RAPGEF6: variants seen among roughly 807,000 people sequenced by gnomAD.
RAPGEF6 encodes Rap guanine nucleotide exchange factor 6.
A neutral mutation model predicts 171.4 loss-of-function variants in RAPGEF6; 56 were observed. That is an observed-to-expected ratio of 0.33 (90% confidence interval 0.26 to 0.41). The LOEUF (loss-of-function observed/expected upper bound fraction) is 0.41. Ranked by LOEUF, RAPGEF6 falls within the 10% of genes least tolerant of loss-of-function variation. The probability of loss-of-function intolerance (pLI) is 1.00; values close to 1 mark genes in which losing one functional copy is unlikely to be tolerated. For missense variants in RAPGEF6, 1,674 were observed against 1,921.4 expected (o/e 0.87, Z 2.41); for synonymous variants, 692 against 650.1 (o/e 1.06, Z -0.98).
chr5:131,549,680 T>C (rs1007689402), intron 5 of RAPGEF6, among the ~76,000 whole-genome samples: 1 of 151,648 alleles, frequency 6.6e-6, no homozygotes, highest in Non-Finnish European at 1.5e-5. Flanking sequence ...ACCCTGTCTC[T>C]TAAAAAAAAA....
chr5:131,613,238 G>A (rs987640936), intron 1 of RAPGEF6, among the ~76,000 whole-genome samples: 2 of 152,110 alleles, frequency 1.3e-5, no homozygotes, highest in South Asian at 2.1e-4. Flanking sequence ...GTGAAACCCC[G>A]TCTCTACTAA....
At position 131,464,083 on chromosome 5, in the gene RAPGEF6, T is replaced by C; in HGVS notation, c.2438A>G (p.Asp813Gly). The part of the protein sequence containing the change: ...EGVIKQRRLP[D>G]QFSKLADRIQ... ...TCTATCAGCTAATTTGGAGAACTGA[T>C]CTGGAAGTCTTCTCTGTTTTATGAC... Residue 813 changes from aspartate to glycine, a missense_variant, in exon 18 of 28, where the codon GAT (aspartate) becomes GGT (glycine). Physicochemically the swap from Asp to Gly is moderately conservative, Grantham distance 94. This residue lies in a region of RAPGEF6 where 1,116 missense variants were observed against 1,321.5 expected (regional missense o/e 0.84). Coordinates refer to ENST00000509018, the MANE Select transcript of RAPGEF6 (RefSeq NM_016340.6). 1 of 1,612,586 alleles carries C rather than the reference T, an allele frequency of 6.2e-7. No individual in the cohort carries two copies. Among genetic ancestry groups the C allele is most frequent in the East Asian group, 2.2e-5 (1 of 44,814 alleles).
chr5:131,472,135 G>C (rs567430208), intron 17 of RAPGEF6: 24 of 191,114 alleles, frequency 1.3e-4, no homozygotes, highest in Non-Finnish European at 1.9e-4. Context: ...GCAGTGGTCC[G>C]ATCTCGGCTC....
chr5:131,475,089 A>T (rs937941078), intron 16 of RAPGEF6, among the ~76,000 whole-genome samples: 1 of 152,254 alleles, frequency 6.6e-6, no homozygotes, highest in African/African-American at 2.4e-5. Flanking sequence ...CTCAATAGAG[A>T]AAACACTGTA....
chr5:131,568,127 G>A (rs1762059203), intron 4 of RAPGEF6, among the ~76,000 whole-genome samples: 1 of 152,130 alleles, frequency 6.6e-6, no homozygotes, highest in Non-Finnish European at 1.5e-5. Flanking sequence ...CACAGAACCT[G>A]ATAATCTCTT....
chr5:131,446,885 G>A, intron 21 of RAPGEF6, 182 bp from the exon 22 acceptor site: 1 of 603,554 alleles, frequency 1.7e-6, no homozygotes, highest in South Asian at 2.1e-5. Context: ...TTAAGAACAG[G>A]ATTTGGCAAA....
intron 6 of RAPGEF6, among the ~76,000 whole-genome samples, chr5:131,527,913 G>T (rs7708231): frequency 0.63 from 94,240 of 148,890 alleles, 31,688 homozygotes; most frequent in Non-Finnish European, 0.77. Context: ...TACTCGGGAG[G>T]CTGAGGCAGG....
intron 1 of RAPGEF6, among the ~76,000 whole-genome samples, chr5:131,624,329 C>A (rs1435843253): frequency 6.6e-6 from 1 of 152,146 alleles, no homozygotes; most frequent in Non-Finnish European, 1.5e-5. Context: ...CCATACTGTT[C>A]CCATCCTATG....
At chr5:131,581,431 T>C (rs915225390) in intron 4 of RAPGEF6, among the ~76,000 whole-genome samples, 1 of 152,116 alleles carries the variant, frequency 6.6e-6, no homozygotes, top group Non-Finnish European at 1.5e-5. Context: ...GGTCTTCCGA[T>C]TAATCTCTCA....
intron 15 of RAPGEF6, among the ~76,000 whole-genome samples, chr5:131,480,928 CTT>C (rs34370165): frequency 8.4e-5 from 12 of 142,142 alleles, no homozygotes; most frequent in Non-Finnish European, 9.3e-5. Flanking sequence ...TTAGATACTG[CTT>C]TTTTTTTTTT....
chr5:131,602,052 A>AT (rs1764291150), intron 3 of RAPGEF6, among the ~76,000 whole-genome samples: 1 of 151,614 alleles, frequency 6.6e-6, no homozygotes, highest in Non-Finnish European at 1.5e-5. Context: ...AAAAAAAAAA[A>AT]TTGGTACAAC....
At position 131,442,379 on chromosome 5, in the gene RAPGEF6, T is replaced by C; in HGVS notation, c.3580A>G (p.Lys1194Glu). The change falls in exon 23 of 28, where the codon AAG becomes GAG. Residue 1194 changes from lysine to glutamate, a missense_variant. Coordinates refer to ENST00000509018, the MANE Select transcript of RAPGEF6 (RefSeq NM_016340.6). ...VPAVNLHPIR[K>E]KGQTKDPALN... ...GCAGGGTCTTTTGTTTGTCCCTTCTTCCTGATGGGGTGCAAATTAACAGCT... is the reference window on the plus strand; with the variant it reads ...GCAGGGTCTTTTGTTTGTCCCTTCTCCCTGATGGGGTGCAAATTAACAGCT... The C allele has an allele frequency of 6.2e-7, 1 of 1,614,100 alleles. No homozygotes were observed. Among genetic ancestry groups the C allele is most frequent in the South Asian group, 1.1e-5 (1 of 91,060 alleles).
chr5:131,577,949 C>T (rs142314383), intron 4 of RAPGEF6, among the ~76,000 whole-genome samples: 2,824 of 152,292 alleles, frequency 0.019, 91 homozygotes, highest in African/African-American at 0.064. Context: ...TTGGACTGCA[C>T]CCCAAAAACT....
intron 5 of RAPGEF6, among the ~76,000 whole-genome samples, chr5:131,550,518 T>C (rs1188467640): frequency 6.6e-6 from 1 of 152,246 alleles, no homozygotes; most frequent in Non-Finnish European, 1.5e-5. Flanking sequence ...CAGGTGTGAA[T>C]TCAAGAATAA....
chr5:131,438,439 T>C (rs1024463498), intron 24 of RAPGEF6, among the ~76,000 whole-genome samples: 23 of 152,212 alleles, frequency 1.5e-4, no homozygotes, highest in Non-Finnish European at 1.6e-4. Flanking sequence ...GCCTGGAAGC[T>C]GAAGCAAGCT....
intron 1 of RAPGEF6, among the ~76,000 whole-genome samples, chr5:131,614,078 T>TG (rs1343055575): frequency 6.6e-6 from 1 of 151,982 alleles, no homozygotes; most frequent in Non-Finnish European, 1.5e-5. Flanking sequence ...GGTCAGGAGT[T>TG]GGAGATCAGC....
chr5:131,522,771 C>G (rs1758587434), intron 6 of RAPGEF6, among the ~76,000 whole-genome samples: 1 of 152,132 alleles, frequency 6.6e-6, no homozygotes, highest in Admixed American at 6.5e-5. Context: ...GTGACAGCCA[C>G]TGGCTAAAGG....
intron 4 of RAPGEF6, among the ~76,000 whole-genome samples, chr5:131,588,432 T>C (rs1471117980): frequency 2.0e-5 from 3 of 152,154 alleles, no homozygotes; most frequent in African/African-American, 4.8e-5. Context: ...TGCCCACTAT[T>C]AAAGATTAAT....
chr5:131,585,642 A>G (rs903787367), intron 4 of RAPGEF6, among the ~76,000 whole-genome samples: 7 of 152,136 alleles, frequency 4.6e-5, no homozygotes. Context: ...CCTGGCCAAG[A>G]TGGTGAAACC....
Sources: gnomAD v4.1 joint callset for allele counts (sites outside exome capture counted in the v4.1 genomes callset) on GRCh38, gnomAD v4.1.1 for gene constraint, gnomAD v4.1.1 regional missense constraint, MANE v1.5 for transcripts, NCBI Gene and HGNC (gene_info 2026-07-23, HGNC 2026-07-21) for gene names.